Variants in MUC5AC observed in about 807,000 individuals in gnomAD.
MUC5AC encodes mucin 5AC, oligomeric mucus/gel-forming, also known as mucin-5AC.
In MUC5AC, 158 loss-of-function variants were observed where a neutral mutation model predicts 169.7. The ratio of observed to expected loss-of-function variants is 0.93; its 90% CI spans 0.82 to 1.06. MUC5AC has a LOEUF of 1.06. MUC5AC is among the 50% of genes least tolerant of loss of function. The pLI is 0.00. For synonymous variants in MUC5AC, 1,975 were observed against 1,237.0 expected (o/e 1.60, Z -12.52); for missense variants, 4,359 against 3,089.9 (o/e 1.41, Z -9.74).
At position 1,192,896 on chromosome 11, in the gene MUC5AC, C is replaced by A; in HGVS notation, c.14494C>A (p.Pro4832Thr). 1.3e-6 allele frequency: 1 copy of A among 764,236 alleles called. No homozygotes were observed. Among genetic ancestry groups the A allele is most frequent in the East Asian group, 2.4e-5 (1 of 41,204 alleles). 47.3% of individuals were successfully genotyped at this position (764,236 alleles called of 1,614,324 possible). Reference sequence around the variant, plus strand: ...CAGTGACTGTCCGTCCACCACGCTGCCTCCTGCCCCAGCCACGTCCCCTTC... The same window carrying A: ...CAGTGACTGTCCGTCCACCACGCTGACTCCTGCCCCAGCCACGTCCCCTTC... ...VDSDCPSTTL[P>T]PAPATSPSIS... The change falls in exon 32 of 49, where the codon CCT (proline) becomes ACT (threonine). Residue 4832 changes from proline to threonine, a missense_variant. Pro to Thr is a conservative substitution (Grantham distance 38). Transcript: ENST00000621226.
chr11:1,197,031 C>T (rs920830089), intron 40 of MUC5AC, 123 bp downstream of exon 40: 13 of 645,596 alleles, frequency 2.0e-5, no homozygotes, highest in Non-Finnish European at 3.3e-5. Context: ...CTCTCTGTGT[C>T]AGAGGCCCAG....
At chr11:1,171,648 CTCA>C (rs1860544926) in intron 15 of MUC5AC, among the ~76,000 whole-genome samples, 1 of 146,002 alleles carries the variant, frequency 6.8e-6, no homozygotes, top group Non-Finnish European at 1.5e-5. Flanking sequence ...CACCCACTCA[CTCA>C]CTCACCCATT....
At position 1,200,531 on chromosome 11, in the gene MUC5AC, C is replaced by T. The variant is rs779856603; in HGVS notation, c.16794C>T (p.Asp5598=). The T allele has an allele frequency of 3.1e-5, 24 of 762,334 alleles. No individual in the cohort carries two copies. The highest frequency in any genetic ancestry group is 4.5e-4 in the Middle Eastern group (2 of 4,452). The allele number at this position is 762,334 out of a possible 1,614,324, so 47.2% of individuals were successfully genotyped here. A position where few individuals can be genotyped will look rare whatever the true frequency, so the allele number is the denominator to read the frequency against. ...SLRNVTLHCT[D]GSSRAFSYTE... ...GGAATGTGACCCTGCACTGCACCGA[C>T]GGCTCCAGCCGGGCCTTCAGCTACA... Residue 5598 remains aspartate, a synonymous_variant, in exon 49 of 49, where the codon GAC becomes GAT. Transcript: ENST00000621226.
In MUC5AC at chr11:1,158,526, G is replaced by T. The variant is rs145546806; in HGVS notation, c.73+454G>T. On this transcript the variant is annotated intron_variant, in intron 1 of 48. Coordinates refer to ENST00000621226, the MANE Select transcript of MUC5AC (RefSeq NM_001304359.2). ...CTGGGCCTCGATGGGGATCTCCTGCGGGGGGAGGTCTCAGCCTCTGAGCTG... is the reference window on the plus strand; with the variant it reads ...CTGGGCCTCGATGGGGATCTCCTGCTGGGGGAGGTCTCAGCCTCTGAGCTG... Among the ~76,000 whole-genome samples the T allele has an allele frequency of 2.9e-3, 440 of 152,288 alleles. 1 individual carries two copies. Among genetic ancestry groups the T allele is most frequent in the African/African-American group, 9.8e-3 (408 of 41,554 alleles).
chr11:1,177,354 G>C lies in MUC5AC; in HGVS notation c.2907+10G>C, dbSNP rs981629558. 9.9e-4 allele frequency: 436 copies of C among 439,388 alleles called. 2 individuals carry two copies. Among genetic ancestry groups the C allele is most frequent in the African/African-American group, 8.4e-3 (418 of 49,990 alleles). The allele number at this position is 439,388 out of a possible 1,614,324, so 27.2% of individuals were successfully genotyped here. ...CAAGATTTTCCTGGGGGTGAGCGAG[G>C]CTGGGTGGTCGCATGCCCTCCAGGA... On this transcript the variant is annotated intron_variant, in intron 23 of 48. Transcript: ENST00000621226.
Position 1,188,939 on chromosome 11 carries a change from C to G in MUC5AC, c.10794C>G (p.Asn3598Lys). ...CSREEGLVCR[N>K]QDQQGPFKMC... is the part of the protein sequence containing the mutation. ...GCGAAGAGGGCCTGGTGTGCCGGAA[C>G]CAGGACCAGCAGGGACCCTTCAAGA... The change falls in exon 31 of 49, where the codon AAC becomes AAG. Residue 3598 changes from asparagine (N) to lysine (K), a missense_variant. Coordinates refer to ENST00000621226, the MANE Select transcript of MUC5AC (RefSeq NM_001304359.2). 1.3e-6 allele frequency: 1 copy of G among 742,248 alleles called. No homozygotes were observed. Among genetic ancestry groups the G allele is most frequent in the Non-Finnish European group, 2.5e-6 (1 of 407,286 alleles). 46.0% of individuals were successfully genotyped at this position (742,248 alleles called of 1,614,324 possible).
At chr11:1,163,391 C>T (rs924834500) in intron 6 of MUC5AC, among the ~76,000 whole-genome samples, 3 of 152,214 alleles carry the variant, frequency 2.0e-5, no homozygotes, top group Non-Finnish European at 4.4e-5. Context: ...GTGACCTGCA[C>T]CAGCCAAGGC....
intron 15 of MUC5AC, among the ~76,000 whole-genome samples, chr11:1,169,834 T>TCACTCCCC (rs1860446662): frequency 1.7e-5 from 2 of 121,028 alleles, no homozygotes; most frequent in Non-Finnish European, 3.5e-5. Context: ...ATTCACCCAC[T>TCACTCCCC]CACTCACCCA....
chr11:1,194,685 C>G lies in MUC5AC; in HGVS notation c.15190+15C>G. On this transcript the variant is annotated intron_variant, in intron 35 of 48. Coordinates refer to ENST00000621226, the MANE Select transcript of MUC5AC (RefSeq NM_001304359.2). ...GGGCCAGTGCGGTGAGGCCACAGGG[C>G]TCCCGGGCATCGTCTGGCATTCGCG... 1.4e-6 allele frequency: 1 copy of G among 735,918 alleles called. No homozygotes were observed. Among genetic ancestry groups the G allele is most frequent in the Non-Finnish European group, 2.5e-6 (1 of 400,706 alleles). 45.6% of individuals were successfully genotyped at this position (735,918 alleles called of 1,614,324 possible).
chr11:1,197,932 G>A lies in MUC5AC; in HGVS notation c.16063G>A (p.Val5355Met), dbSNP rs369438228. ...CAACACCAGCCGCTGCCCCGCGCCC[G>A]TGGGCTGTCCTGAGGGCGCCCGCGC... ...ACNTSRCPAP[V>M]GCPEGARAIP... The change falls in exon 42 of 49, where the codon GTG becomes ATG. Residue 5355 changes from valine to methionine, a missense_variant. Coordinates refer to ENST00000621226, the MANE Select transcript of MUC5AC (RefSeq NM_001304359.2). 28 of 734,742 alleles carry A rather than the reference G, an allele frequency of 3.8e-5. No homozygotes were observed. Among genetic ancestry groups the A allele is most frequent in the Middle Eastern group, 3.2e-4 (1 of 3,120 alleles). The allele number at this position is 734,742 out of a possible 1,614,324, so 45.5% of individuals were successfully genotyped here.
chr11:1,191,814 C>T lies in MUC5AC; in HGVS notation c.13669C>T (p.Pro4557Ser), dbSNP rs28820942. ...PVPTTSTTSA[P>S]TTSTTSGPGT... ...TCCCACCACGAGCACAACCTCTGCTCCTACAACTAGCACAACCTCTGGTCC... is the reference window on the plus strand; with the variant it reads ...TCCCACCACGAGCACAACCTCTGCTTCTACAACTAGCACAACCTCTGGTCC... Residue 4557 changes from proline (P) to serine (S), a missense_variant, in exon 31 of 49, where the codon CCT (proline) becomes TCT (serine). By Grantham distance (74) the Pro-to-Ser change is moderately conservative. Coordinates refer to ENST00000621226, the MANE Select transcript of MUC5AC (RefSeq NM_001304359.2). The T allele has an allele frequency of 1.3e-6, 1 of 753,896 alleles. No individual in the cohort carries two copies. The highest frequency in any genetic ancestry group is 2.4e-6 in the Non-Finnish European group (1 of 410,964). The allele number at this position is 753,896 out of a possible 1,614,324, so 46.7% of individuals were successfully genotyped here. A position where few individuals can be genotyped will look rare whatever the true frequency, so the allele number is the denominator to read the frequency against.
intron 15 of MUC5AC, among the ~76,000 whole-genome samples, chr11:1,171,641 CCACT>C (rs1335077188): frequency 1.2e-4 from 15 of 124,162 alleles, no homozygotes; most frequent in Admixed American, 2.4e-4. Flanking sequence ...ACCCACTCAC[CCACT>C]CACTCACTCA....
intron 9 of MUC5AC, among the ~76,000 whole-genome samples, 181 bp from the exon 10 acceptor site, chr11:1,165,121 G>T (rs532848423): frequency 2.8e-5 from 4 of 144,926 alleles, no homozygotes; most frequent in African/African-American, 1.0e-4. Context: ...CCCCTGTCCC[G>T]GGCCCCTGAG....
At chr11:1,173,293 C>T (rs1860593216) in intron 16 of MUC5AC, among the ~76,000 whole-genome samples, 1 of 145,688 alleles carries the variant, frequency 6.9e-6, no homozygotes, top group South Asian at 2.2e-4. Flanking sequence ...ACTCACTCAT[C>T]CACTCACTCA....
At chr11:1,161,730 T>C (rs912721436) in intron 3 of MUC5AC, 144 bp downstream of exon 3, 19 of 1,297,474 alleles carry the variant, frequency 1.5e-5, no homozygotes, top group Middle Eastern at 4.2e-4. Flanking sequence ...GCCCAGCATC[T>C]CCCTGCACAC....
Position 1,197,912 on chromosome 11 carries a change from C to G in MUC5AC, c.16043C>G (p.Thr5348Ser). 2 of 724,792 alleles carry G rather than the reference C, an allele frequency of 2.8e-6. No individual in the cohort carries two copies. 44.9% of individuals were successfully genotyped at this position (724,792 alleles called of 1,614,324 possible). ...CCPQYSCACN[T>S]SRCPAPVGCP... ...ACTCCCGCCCCCGCAGCCTGCAACA[C>G]CAGCCGCTGCCCCGCGCCCGTGGGC... The change falls in exon 42 of 49, where the codon ACC (threonine) becomes AGC (serine). Residue 5348 changes from threonine (T) to serine (S), a missense_variant. By Grantham distance (58) the Thr-to-Ser change is moderately conservative (BLOSUM62 1). Transcript: ENST00000621226.
Position 1,192,089 on chromosome 11 carries a change from C to T in MUC5AC, c.13944C>T (p.Gly4648=), listed in dbSNP as rs73395695. 2.6e-4 allele frequency: 200 copies of T among 765,074 alleles called. 1 individual carries two copies. Among genetic ancestry groups the T allele is most frequent in the South Asian group, 1.6e-3 (121 of 74,624 alleles). 47.4% of individuals were successfully genotyped at this position (765,074 alleles called of 1,614,324 possible). The change falls in exon 31 of 49, where the codon GGC becomes GGT. Residue 4648 remains glycine (G), a synonymous_variant. Coordinates refer to ENST00000621226, the MANE Select transcript of MUC5AC (RefSeq NM_001304359.2). ...DVDFPSPGPH[G]GDKETYNNII... is the part of the protein sequence containing the mutation. The stretch of plus-strand genomic sequence containing the variant: ...ACTTCCCATCCCCTGGACCCCACGG[C>T]GGGGACAAGGAAACCTACAACAACA...
At chr11:1,163,639 C>A (rs373122562) in intron 6 of MUC5AC, among the ~76,000 whole-genome samples, 2 of 152,126 alleles carry the variant, frequency 1.3e-5, no homozygotes, top group African/African-American at 4.8e-5. Context: ...CCCTGTGGCC[C>A]GGACACCAAC....
At chr11:1,198,727 G>T in intron 43 of MUC5AC, 147 bp from the exon 44 acceptor site, 1 of 612,974 alleles carries the variant, frequency 1.6e-6, no homozygotes, top group South Asian at 1.9e-5. Flanking sequence ...GCCACCACGA[G>T]TCACCCCAGG....
Sources: gnomAD v4.1 joint callset for allele counts (sites outside exome capture counted in the v4.1 genomes callset) on GRCh38, gnomAD v4.1.1 for gene constraint, MANE v1.5 for transcripts, NCBI Gene and HGNC (gene_info 2026-07-23, HGNC 2026-07-21) for gene names.